Variants in DLGAP1 observed in about 807,000 individuals in gnomAD.
DLGAP1 encodes disks large-associated protein 1.
A neutral mutation model predicts 90.8 loss-of-function variants in DLGAP1; 11 were observed. The ratio of observed to expected loss-of-function variants is 0.12; its 90% CI spans 0.08 to 0.20. DLGAP1 has a LOEUF of 0.20. Ranked by LOEUF, DLGAP1 falls within the 10% of genes least tolerant of loss-of-function variation. The probability of loss-of-function intolerance (pLI) is 1.00; values close to 1 mark genes in which losing one functional copy is unlikely to be tolerated. For synonymous variants in DLGAP1, 558 were observed against 540.7 expected (o/e 1.03, Z -0.44); for missense variants, 1,050 against 1,333.8 (o/e 0.79, Z 3.31).
chr18:3,542,588 T>C (rs1481652826), intron 9 of DLGAP1, among the ~76,000 whole-genome samples: 6 of 152,226 alleles, frequency 3.9e-5, no homozygotes, highest in African/African-American at 7.2e-5. Flanking sequence ...AATAACATCC[T>C]GGAATTCGCT....
intron 7 of DLGAP1, among the ~76,000 whole-genome samples, chr18:3,647,881 T>C (rs1301178791): frequency 6.6e-6 from 1 of 152,236 alleles, no homozygotes; most frequent in Non-Finnish European, 1.5e-5. Context: ...CAGGAAGTTA[T>C]GGCTACGAAG....
chr18:3,780,313 C>T lies in DLGAP1; in HGVS notation c.1172+33746G>A, dbSNP rs78888232. Among the ~76,000 whole-genome samples, 77 of 152,218 alleles carry T rather than the reference C, an allele frequency of 5.1e-4. 1 individual carries two copies. In the East Asian group the frequency reaches 0.014, roughly 28 times the overall value. ...GCTTAGTGGATTAAAACAACATTAC[C>T]TTATTATGTTACATTCCTGGAGGTC... On this transcript the variant is annotated intron_variant, in intron 5 of 12. Coordinates refer to ENST00000315677, the MANE Select transcript of DLGAP1 (RefSeq NM_004746.4).
intron 1 of DLGAP1, among the ~76,000 whole-genome samples, chr18:4,440,604 C>T (rs1272655285): frequency 1.3e-5 from 2 of 152,058 alleles, no homozygotes; most frequent in African/African-American, 2.4e-5. Flanking sequence ...CAGAACCAAA[C>T]AAAAGTGCCA....
At chr18:4,271,237 A>G (rs663841) in intron 1 of DLGAP1, among the ~76,000 whole-genome samples, 32,350 of 152,072 alleles carry the variant, frequency 0.21, 6,861 homozygotes, top group African/African-American at 0.55. Context: ...AGTAGGCCCC[A>G]GGACCAATAT....
chr18:4,018,672 G>A (rs1181813033), intron 2 of DLGAP1, among the ~76,000 whole-genome samples: 2 of 152,242 alleles, frequency 1.3e-5, no homozygotes, highest in Admixed American at 6.5e-5. Context: ...GATCAGTAGT[G>A]GATGTAAACT....
intron 1 of DLGAP1, among the ~76,000 whole-genome samples, chr18:4,380,239 C>A (rs7235012): frequency 6.6e-6 from 1 of 152,054 alleles, no homozygotes; most frequent in Non-Finnish European, 1.5e-5. Context: ...GAAAATAAAA[C>A]GAATATCATT....
chr18:3,555,098 G>T (rs1032160779), intron 9 of DLGAP1, among the ~76,000 whole-genome samples: 1 of 152,010 alleles, frequency 6.6e-6, no homozygotes, highest in Non-Finnish European at 1.5e-5. Context: ...GCCCGATATT[G>T]CTTTTTAAGA....
chr18:4,038,382 G>A (rs1041463277), intron 2 of DLGAP1, among the ~76,000 whole-genome samples: 2 of 152,028 alleles, frequency 1.3e-5, no homozygotes, highest in Admixed American at 6.6e-5. Flanking sequence ...AGTCTGGGGG[G>A]GTTAGGGATG....
chr18:4,139,389 C>T (rs979705749), intron 2 of DLGAP1, among the ~76,000 whole-genome samples: 1 of 151,866 alleles, frequency 6.6e-6, no homozygotes, highest in African/African-American at 2.4e-5. Context: ...ACTGGTCATT[C>T]GGGGGCATAT....
intron 1 of DLGAP1, among the ~76,000 whole-genome samples, chr18:4,349,519 T>C (rs1490544252): frequency 2.0e-5 from 3 of 151,714 alleles, no homozygotes; most frequent in Admixed American, 6.6e-5. Context: ...CGGGGAGATG[T>C]TAGTCAAAGG....
At chr18:3,867,381 A>G (rs2070464139) in intron 4 of DLGAP1, among the ~76,000 whole-genome samples, 1 of 152,172 alleles carries the variant, frequency 6.6e-6, no homozygotes, top group South Asian at 2.1e-4. Flanking sequence ...ATAGCTGCAC[A>G]AAAGGAAAGG....
chr18:4,112,117 T>C (rs1403942591), intron 2 of DLGAP1, among the ~76,000 whole-genome samples: 6 of 152,050 alleles, frequency 3.9e-5, no homozygotes, highest in Non-Finnish European at 8.8e-5. Flanking sequence ...CCATACATTT[T>C]GGTACGTTGT....
At chr18:4,398,742 G>A (rs1025168166) in intron 1 of DLGAP1, among the ~76,000 whole-genome samples, 7 of 152,100 alleles carry the variant, frequency 4.6e-5, no homozygotes, top group African/African-American at 1.7e-4. Flanking sequence ...ATTAAGCCAG[G>A]GGTAATTCAT....
chr18:4,214,322 T>A (rs796374767), intron 1 of DLGAP1, among the ~76,000 whole-genome samples: 8 of 151,146 alleles, frequency 5.3e-5, no homozygotes, highest in African/African-American at 1.9e-4. Context: ...TTTTTTTTTT[T>A]TGGTGGGGGG....
intron 1 of DLGAP1, among the ~76,000 whole-genome samples, chr18:4,208,629 C>T (rs1224723421): frequency 6.6e-6 from 1 of 152,058 alleles, no homozygotes; most frequent in African/African-American, 2.4e-5. Flanking sequence ...CTAAATGGGT[C>T]TTGAGCCAAG....
At chr18:4,181,180 A>C (rs1259864581) in intron 1 of DLGAP1, among the ~76,000 whole-genome samples, 1 of 152,146 alleles carries the variant, frequency 6.6e-6, no homozygotes, top group Non-Finnish European at 1.5e-5. Context: ...GTTGTTTATA[A>C]ATGAAATGTT....
chr18:4,221,465 A>G (rs2078074941), intron 1 of DLGAP1, among the ~76,000 whole-genome samples: 2 of 152,110 alleles, frequency 1.3e-5, no homozygotes, highest in African/African-American at 4.8e-5. Flanking sequence ...TCTCATCAAT[A>G]AAATATATAT....
chr18:3,746,102 A>G (rs1305848606), intron 5 of DLGAP1, among the ~76,000 whole-genome samples: 1 of 152,232 alleles, frequency 6.6e-6, no homozygotes, highest in Non-Finnish European at 1.5e-5. Flanking sequence ...GTGTTTGAAT[A>G]TAATATATTG....
chr18:4,212,033 C>T (rs2077852139), intron 1 of DLGAP1, among the ~76,000 whole-genome samples: 1 of 152,174 alleles, frequency 6.6e-6, no homozygotes, highest in Non-Finnish European at 1.5e-5. Flanking sequence ...GCATTTACCA[C>T]ACTTCATACA....
Sources: allele counts gnomAD v4.1 joint callset (sites outside exome capture counted in the v4.1 genomes callset), GRCh38; gene constraint gnomAD v4.1.1; transcripts MANE v1.5; gene names NCBI Gene and HGNC (gene_info 2026-07-23, HGNC 2026-07-21).